The following EDARADD variants were observed in gnomAD, a reference collection of about 807,000 sequenced individuals.
EDARADD encodes the protein EDAR associated via death domain, also known as ectodysplasin-A receptor-associated adapter protein.
Under a neutral mutation model 25.6 loss-of-function variants are expected in EDARADD, and 20 were observed. That is an observed-to-expected ratio of 0.78 (90% CI 0.55 to 1.14). EDARADD has a LOEUF of 1.14. Ranked by LOEUF, EDARADD falls within the 50% of genes most tolerant of loss-of-function variation. The pLI, the probability that EDARADD is intolerant of heterozygous loss-of-function variation, is 0.00. For missense variants in EDARADD, 225 were observed against 270.1 expected (o/e 0.83, Z 1.17); for synonymous variants, 86 against 94.4 (o/e 0.91, Z 0.52).
At chr1:236,423,093 G>T (rs1434304416) in intron 3 of EDARADD, among the ~76,000 whole-genome samples, 1 of 152,200 alleles carries the variant, frequency 6.6e-6, no homozygotes, top group African/African-American at 2.4e-5. Context: ...AGAGGAGGTT[G>T]CTGAAGCTCC....
intron 5 of EDARADD, among the ~76,000 whole-genome samples, chr1:236,472,286 T>C (rs1224344025): frequency 6.6e-6 from 1 of 152,192 alleles, no homozygotes; most frequent in African/African-American, 2.4e-5. Flanking sequence ...CGCTCCTGAC[T>C]AAATACTTAA....
At chr1:236,352,162 A>G (rs1666922553) in intron 3 of EDARADD, among the ~76,000 whole-genome samples, 1 of 152,114 alleles carries the variant, frequency 6.6e-6, no homozygotes, top group African/African-American at 2.4e-5. Context: ...TGCTCATGTG[A>G]AACTGCCGCC....
intron 3 of EDARADD, among the ~76,000 whole-genome samples, chr1:236,360,991 G>C (rs1667040213): frequency 6.6e-6 from 1 of 152,200 alleles, no homozygotes; most frequent in Non-Finnish European, 1.5e-5. Context: ...GGAAACAGGT[G>C]TTGGAGTGAC....
chr1:236,393,012 T>G (rs1277522492), upstream of EDARADD, among the ~76,000 whole-genome samples: 2 of 152,196 alleles, frequency 1.3e-5, no homozygotes, highest in Non-Finnish European at 2.9e-5. Flanking sequence ...CTTGAACTCC[T>G]TGCCTCAAGC....
intron 5 of EDARADD, among the ~76,000 whole-genome samples, chr1:236,481,600 CAAAA>C (rs35354317): frequency 7.3e-6 from 1 of 137,266 alleles, no homozygotes. Context: ...CCACCTCTAC[CAAAA>C]AAAAAAAAAA....
At chr1:236,439,828 A>G (rs1658354981) in intron 4 of EDARADD, among the ~76,000 whole-genome samples, 3 of 152,190 alleles carry the variant, frequency 2.0e-5, no homozygotes, top group Admixed American at 1.3e-4. Context: ...TGTCTTTCAC[A>G]GAGTAGAAAG....
rs1659740353 is a variant in EDARADD, at chr1:236,483,466, A to G, written c.*817A>G. On this transcript the variant is annotated 3_prime_UTR_variant, in exon 6 of 6. Transcript: ENST00000334232. The stretch of plus-strand genomic sequence containing the variant: ...CTTATGATAGAGATGGATGGAACAG[A>G]AAATAAATCTAAATTTGGTGCAAAT... 1 of 1,034,078 alleles carries G rather than the reference A, an allele frequency of 9.7e-7. No homozygotes were observed. Among genetic ancestry groups the G allele is most frequent in the African/African-American group, 1.6e-5 (1 of 63,594 alleles). 64.1% of individuals were successfully genotyped at this position (1,034,078 alleles called of 1,614,324 possible). A position where few individuals can be genotyped will look rare whatever the true frequency, so the allele number is the denominator to read the frequency against.
At chr1:236,428,396 C>T (rs34693765) in intron 4 of EDARADD, among the ~76,000 whole-genome samples, 67,848 of 151,544 alleles carry the variant, frequency 0.45, 17,425 homozygotes, top group Non-Finnish European at 0.59. Flanking sequence ...AGTAACAATC[C>T]GATCTCTCTT....
At chr1:236,466,632 C>T (rs1659198184) in intron 4 of EDARADD, among the ~76,000 whole-genome samples, 1 of 152,092 alleles carries the variant, frequency 6.6e-6, no homozygotes, top group East Asian at 1.9e-4. Flanking sequence ...TGGGAATGTG[C>T]CTGTGTGAAA....
intron 3 of EDARADD, among the ~76,000 whole-genome samples, chr1:236,414,659 C>A (rs930348847): frequency 2.0e-5 from 3 of 151,986 alleles, no homozygotes; most frequent in Admixed American, 2.0e-4. Context: ...ACTGGCCAGG[C>A]GCGGTGGCTC....
At chr1:236,428,125 T>A (rs2996458) in intron 4 of EDARADD, among the ~76,000 whole-genome samples, 68,085 of 151,658 alleles carry the variant, frequency 0.45, 17,585 homozygotes, top group Non-Finnish European at 0.59. Context: ...TGCCGCCTTC[T>A]GCAGTGTTTG....
chr1:236,382,595 G>T (rs940623380), intron 3 of EDARADD, among the ~76,000 whole-genome samples: 2 of 152,080 alleles, frequency 1.3e-5, no homozygotes, highest in Non-Finnish European at 2.9e-5. Context: ...CTCCTCTTTA[G>T]CTTTGTCCTT....
At chr1:236,439,816 A>T (rs1658354617) in intron 4 of EDARADD, among the ~76,000 whole-genome samples, 1 of 152,190 alleles carries the variant, frequency 6.6e-6, no homozygotes, top group East Asian at 1.9e-4. Context: ...TTCTTTTGAC[A>T]GTGTCTTTCA....
chr1:236,402,924 A>G (rs1254817322), intron 1 of EDARADD, among the ~76,000 whole-genome samples: 1 of 152,128 alleles, frequency 6.6e-6, no homozygotes, highest in African/African-American at 2.4e-5. Flanking sequence ...AGCAGACGCT[A>G]GGGAAGCTTT....
At chr1:236,481,985 T>C (rs369078437) in intron 5 of EDARADD, among the ~76,000 whole-genome samples, 1 of 148,512 alleles carries the variant, frequency 6.7e-6, no homozygotes, top group Non-Finnish European at 1.5e-5. Context: ...CAGTGGCGGG[T>C]GCCTATAGTC....
chr1:236,459,902 C>A (rs1199510815), intron 4 of EDARADD, among the ~76,000 whole-genome samples: 1 of 152,160 alleles, frequency 6.6e-6, no homozygotes, highest in Non-Finnish European at 1.5e-5. Flanking sequence ...GCGCACCGGC[C>A]TTAGCTCTTT....
At chr1:236,419,949 G>A (rs186623248) in intron 3 of EDARADD, among the ~76,000 whole-genome samples, 3 of 152,232 alleles carry the variant, frequency 2.0e-5, no homozygotes, top group Admixed American at 6.5e-5. Context: ...AGGCCAAGGC[G>A]GGTGGATTAC....
chr1:236,468,503 C>T (rs1659278044), intron 5 of EDARADD, among the ~76,000 whole-genome samples: 1 of 151,996 alleles, frequency 6.6e-6, no homozygotes, highest in East Asian at 1.9e-4. Context: ...CGCCTGTAAT[C>T]CCAGCTACTC....
chr1:236,453,242 A>G (rs1269277361), intron 4 of EDARADD, among the ~76,000 whole-genome samples: 3 of 150,980 alleles, frequency 2.0e-5, no homozygotes, highest in Admixed American at 2.0e-4. Context: ...ACAACAGACC[A>G]TGTGTACGCC....
Sources: gnomAD v4.1 joint callset for allele counts (sites outside exome capture counted in the v4.1 genomes callset) on GRCh38, gnomAD v4.1.1 for gene constraint, MANE v1.5 for transcripts, NCBI Gene and HGNC (gene_info 2026-07-23, HGNC 2026-07-21) for gene names.